VPS13B: variants seen among roughly 807,000 people sequenced by gnomAD.
VPS13B encodes intermembrane lipid transfer protein VPS13B.
A neutral mutation model predicts 426.4 loss-of-function variants in VPS13B; 285 were observed. The observed-to-expected ratio is 0.67, with a 90% CI of 0.61 to 0.74. The LOEUF (loss-of-function observed/expected upper bound fraction) is 0.74, where lower values mean the gene tolerates loss of function less well. VPS13B is among the 30% of genes least tolerant of loss of function. The probability of loss-of-function intolerance (pLI) is 0.00; values close to 1 mark genes in which losing one functional copy is unlikely to be tolerated. For missense variants in VPS13B, 4,537 were observed against 4,782.6 expected, an observed-to-expected ratio of 0.95 and a Z score of 1.51; for synonymous variants, 1,676 against 1,676.4, an observed-to-expected ratio of 1.00 and a Z score of 0.01.
chr8:99,617,314 G>T (rs574331743), intron 33 of VPS13B, among the ~76,000 whole-genome samples: 1 of 152,064 alleles, frequency 6.6e-6, no homozygotes. Flanking sequence ...TTTGTTTGGG[G>T]TTTTTTTGTT....
chr8:99,154,120 A>G (rs1382847552), intron 14 of VPS13B, among the ~76,000 whole-genome samples: 2 of 146,372 alleles, frequency 1.4e-5, no homozygotes, highest in Admixed American at 6.8e-5. Context: ...TTTGATTTCT[A>G]TGATTTGAAA....
At chr8:99,840,848 G>A (rs1239293227) in intron 54 of VPS13B, among the ~76,000 whole-genome samples, 1 of 152,100 alleles carries the variant, frequency 6.6e-6, no homozygotes, top group African/African-American at 2.4e-5. Flanking sequence ...TTTTTATAAA[G>A]AAAAAAAGTC....
At chr8:99,705,022 A>AC (rs1348005700) in intron 36 of VPS13B, among the ~76,000 whole-genome samples, 2 of 152,100 alleles carry the variant, frequency 1.3e-5, no homozygotes, top group South Asian at 2.1e-4. Context: ...CAGATGGCCT[A>AC]CCGTCCGTGA....
intron 16 of VPS13B, among the ~76,000 whole-genome samples, chr8:99,178,573 G>A (rs1215274766): frequency 6.6e-6 from 1 of 151,956 alleles, no homozygotes; most frequent in Non-Finnish European, 1.5e-5. Context: ...GGTAGACCTA[G>A]AGAGATAAAA....
chr8:99,749,596 T>C (rs1810289083), intron 39 of VPS13B, among the ~76,000 whole-genome samples: 1 of 152,132 alleles, frequency 6.6e-6, no homozygotes, highest in Non-Finnish European at 1.5e-5. Flanking sequence ...GGCTGAGTAG[T>C]ACTCCATTGT....
chr8:99,568,942 G>C (rs1825330481), intron 31 of VPS13B, among the ~76,000 whole-genome samples: 1 of 151,656 alleles, frequency 6.6e-6, no homozygotes, highest in African/African-American at 2.4e-5. Flanking sequence ...CTCCCGAGTA[G>C]CTGGGGCTAC....
chr8:99,046,763 A>T (rs1329390711), intron 3 of VPS13B, among the ~76,000 whole-genome samples: 1 of 151,674 alleles, frequency 6.6e-6, no homozygotes, highest in Non-Finnish European at 1.5e-5. Context: ...AGGATGCCAT[A>T]TTTTTTTTGA....
intron 28 of VPS13B, among the ~76,000 whole-genome samples, chr8:99,507,537 T>C (rs902320843): frequency 1.3e-5 from 2 of 152,242 alleles, no homozygotes; most frequent in African/African-American, 4.8e-5. Context: ...TGGATTGTTC[T>C]TTACCATAAA....
chr8:99,596,432 C>T (rs1827018880), intron 33 of VPS13B, among the ~76,000 whole-genome samples: 1 of 151,974 alleles, frequency 6.6e-6, no homozygotes, highest in African/African-American at 2.4e-5. Context: ...TTCTTTTTCT[C>T]AGGTAACAGT....
At chr8:99,699,131 C>CTTTTTT (rs370004663) in intron 35 of VPS13B, among the ~76,000 whole-genome samples, 4 of 90,556 alleles carry the variant, frequency 4.4e-5, no homozygotes, top group African/African-American at 7.9e-5. Context: ...TAAGGAAAGT[C>CTTTTTT]TTTTTTTTTT....
intron 16 of VPS13B, among the ~76,000 whole-genome samples, chr8:99,179,895 A>G (rs1276465935): frequency 6.6e-6 from 1 of 152,020 alleles, no homozygotes; most frequent in African/African-American, 2.4e-5. Context: ...ATCAAGTTCT[A>G]TCTCCTATTA....
intron 33 of VPS13B, among the ~76,000 whole-genome samples, chr8:99,625,630 G>A (rs1324539623): frequency 3.3e-5 from 5 of 152,058 alleles, no homozygotes; most frequent in East Asian, 1.9e-4. Flanking sequence ...TGAGGCGGGC[G>A]ATCACATAAG....
At chr8:99,565,561 T>G (rs1825137194) in intron 31 of VPS13B, among the ~76,000 whole-genome samples, 2 of 152,298 alleles carry the variant, frequency 1.3e-5, no homozygotes, top group South Asian at 4.1e-4. Context: ...CTAGCTTTAT[T>G]TCTGAGAGAT....
chr8:99,432,655 C>G (rs957333576), intron 22 of VPS13B, among the ~76,000 whole-genome samples: 1 of 152,096 alleles, frequency 6.6e-6, no homozygotes, highest in African/African-American at 2.4e-5. Context: ...GTGGGAAGAT[C>G]TTTATTTATC....
At chr8:99,034,601 C>T (rs1842659145) in intron 2 of VPS13B, among the ~76,000 whole-genome samples, 1 of 151,952 alleles carries the variant, frequency 6.6e-6, no homozygotes, top group Non-Finnish European at 1.5e-5. Context: ...TTCTAGACTA[C>T]CAGTAATATA....
chr8:99,035,353 G>A (rs1202994679), intron 2 of VPS13B, among the ~76,000 whole-genome samples: 1 of 152,072 alleles, frequency 6.6e-6, no homozygotes, highest in Non-Finnish European at 1.5e-5. Flanking sequence ...CCCAGCCCTT[G>A]ACAACCACCA....
intron 19 of VPS13B, among the ~76,000 whole-genome samples, chr8:99,312,213 G>T (rs571042069): frequency 8.5e-5 from 13 of 152,266 alleles, no homozygotes; most frequent in Non-Finnish European, 1.6e-4. Context: ...CTGTCATTAT[G>T]ATGTTAGCTG....
intron 3 of VPS13B, among the ~76,000 whole-genome samples, chr8:99,070,359 A>C (rs1179529475): frequency 6.6e-6 from 1 of 152,202 alleles, no homozygotes; most frequent in Non-Finnish European, 1.5e-5. Flanking sequence ...GGATGCATGA[A>C]ATTTTTCTGT....
chr8:99,351,431 A>T (rs546486075), intron 19 of VPS13B, among the ~76,000 whole-genome samples: 9,472 of 147,428 alleles, frequency 0.064, 395 homozygotes, highest in African/African-American at 0.12. Flanking sequence ...AGAGAGAGAG[A>T]GAGAGTGTGT....
Sources: gnomAD v4.1 joint callset for allele counts (sites outside exome capture counted in the v4.1 genomes callset) on GRCh38, gnomAD v4.1.1 for gene constraint, MANE v1.5 for transcripts, NCBI Gene and HGNC (gene_info 2026-07-23, HGNC 2026-07-21) for gene names.